Variants in ZDHHC15 observed in about 807,000 individuals in gnomAD.
The protein encoded by ZDHHC15 is zDHHC palmitoyltransferase 15.
A neutral mutation model predicts 31.7 loss-of-function variants in ZDHHC15; 19 were observed. The observed-to-expected ratio is 0.60, with a 90% CI of 0.42 to 0.88. ZDHHC15 has a LOEUF of 0.88. Ranked by LOEUF, ZDHHC15 falls within the 40% of genes least tolerant of loss-of-function variation. ZDHHC15 has a pLI of 0.00. For missense variants in ZDHHC15, 209 were observed against 251.2 expected (o/e 0.83, Z 1.14); for synonymous variants, 103 against 90.0 (o/e 1.14, Z -0.82).
At chrX:75,470,052 A>T (rs936094619) in intron 3 of ZDHHC15, among the ~76,000 whole-genome samples, 3 of 111,179 alleles carry the variant, frequency 2.7e-5, no homozygotes, top group Non-Finnish European at 5.7e-5. Flanking sequence ...CCTTGATTGG[A>T]CTGAGGGATG....
intron 4 of ZDHHC15, among the ~76,000 whole-genome samples, chrX:75,442,152 T>C (rs2083951089): frequency 1.8e-5 from 2 of 112,028 alleles, no homozygotes; most frequent in South Asian, 7.5e-4. Context: ...CTGGGTGAGA[T>C]TAGCATTTGA....
At chrX:75,484,104 T>C (rs754484153) in intron 2 of ZDHHC15, among the ~76,000 whole-genome samples, 1 of 112,403 alleles carries the variant, frequency 8.9e-6, no homozygotes, top group South Asian at 3.7e-4. Flanking sequence ...GATGCATCAA[T>C]CTGCTGTACA....
intron 2 of ZDHHC15, among the ~76,000 whole-genome samples, chrX:75,490,770 A>G (rs1237382931): frequency 1.8e-5 from 2 of 111,553 alleles, no homozygotes; most frequent in Non-Finnish European, 3.8e-5. Flanking sequence ...ATGGGAGCTC[A>G]CTCATGATTT....
chrX:75,465,836 T>A (rs750841982), intron 3 of ZDHHC15, among the ~76,000 whole-genome samples: 1 of 111,518 alleles, frequency 9.0e-6, no homozygotes, highest in South Asian at 3.7e-4. Flanking sequence ...AACCTGAAAC[T>A]GTAAAAACCC....
rs187270000 is a variant in ZDHHC15 at position 75,381,481 on chromosome X, C to T, written c.968-2283G>A. On this transcript the variant is annotated intron_variant, in intron 10 of 11. Coordinates refer to ENST00000373367, the MANE Select transcript of ZDHHC15 (RefSeq NM_144969.3). ...GTTACTACCACTCATGAATCCATTG[C>T]AACACATGCACAGTTTTTTGCTGTT... Among the ~76,000 whole-genome samples the T allele has an allele frequency of 9.9e-5, 11 of 111,618 alleles. No homozygotes were observed. The East Asian group carries it at 3.1e-3, about 32-fold the overall frequency.
chrX:75,386,274 T>TC lies in ZDHHC15; in HGVS notation c.968-7077dup, dbSNP rs779902377. Among the ~76,000 whole-genome samples the TC allele has an allele frequency of 1.6e-4, 18 of 111,461 alleles. 1 individual carries two copies. Among genetic ancestry groups the TC allele is most frequent in the Admixed American group, 5.7e-4 (6 of 10,475 alleles). On this transcript the variant is annotated intron_variant, in intron 10 of 11. Coordinates refer to ENST00000373367, the MANE Select transcript of ZDHHC15 (RefSeq NM_144969.3). The stretch of plus-strand genomic sequence containing the variant: ...AGCATTTCACAGGAAGGAGATTAAT[T>TC]CCCCCCAGTCCTGATTATCATTAAC...
At chrX:75,446,064 G>T (rs755240567) in intron 4 of ZDHHC15, among the ~76,000 whole-genome samples, 2 of 111,626 alleles carry the variant, frequency 1.8e-5, no homozygotes, top group East Asian at 2.8e-4. Context: ...ATGAAGACAC[G>T]TACTACACTC....
At chrX:75,429,865 T>C (rs893997483) in intron 6 of ZDHHC15, 83 bp downstream of exon 6, 1 of 978,768 alleles carries the variant, frequency 1.0e-6, no homozygotes, top group African/African-American at 1.9e-5. Flanking sequence ...GAAACAGGCA[T>C]GTGACAACTA....
intron 2 of ZDHHC15, among the ~76,000 whole-genome samples, chrX:75,480,419 G>T (rs1004704245): frequency 9.0e-6 from 1 of 110,937 alleles, no homozygotes; most frequent in Non-Finnish European, 1.9e-5. Flanking sequence ...AAACATGAAA[G>T]ATTTGTAATA....
intron 3 of ZDHHC15, among the ~76,000 whole-genome samples, chrX:75,468,101 A>T (rs1198089088): frequency 9.5e-6 from 1 of 105,186 alleles, no homozygotes; most frequent in Non-Finnish European, 1.9e-5. Flanking sequence ...GCTGGAGTGC[A>T]ATAGCACAAT....
At chrX:75,405,100 T>G (rs996560041) in intron 10 of ZDHHC15, among the ~76,000 whole-genome samples, 2 of 111,976 alleles carry the variant, frequency 1.8e-5, no homozygotes, top group Admixed American at 9.4e-5. Flanking sequence ...AGCTGGAGGC[T>G]ATCATCCTTA....
chrX:75,481,129 C>A (rs1330665451), intron 2 of ZDHHC15, among the ~76,000 whole-genome samples: 1 of 110,707 alleles, frequency 9.0e-6, no homozygotes, highest in Non-Finnish European at 1.9e-5. Flanking sequence ...TTATCTTTTG[C>A]AATTTTTTTG....
intron 3 of ZDHHC15, among the ~76,000 whole-genome samples, chrX:75,470,959 C>A (rs188548477): frequency 8.0e-5 from 9 of 112,051 alleles, no homozygotes; most frequent in Admixed American, 7.6e-4. Flanking sequence ...ACAGATGCAG[C>A]GGTGGTGATT....
At chrX:75,444,985 A>G (rs2084013379) in intron 4 of ZDHHC15, among the ~76,000 whole-genome samples, 1 of 108,389 alleles carries the variant, frequency 9.2e-6, no homozygotes, top group Admixed American at 1.0e-4. Context: ...CTTGGAGTAG[A>G]AATTATACCA....
chrX:75,446,434 C>T (rs747099598), intron 4 of ZDHHC15, among the ~76,000 whole-genome samples: 1 of 111,666 alleles, frequency 9.0e-6, no homozygotes, highest in East Asian at 2.8e-4. Flanking sequence ...GAAAATGTAC[C>T]TTTCACTAAC....
chrX:75,446,238 G>A (rs941171351), intron 4 of ZDHHC15, among the ~76,000 whole-genome samples: 2 of 111,871 alleles, frequency 1.8e-5, no homozygotes, highest in Non-Finnish European at 3.8e-5. Context: ...AGCTCAGGGA[G>A]TTAGAAAGCA....
chrX:75,492,427 G>A (rs190469478), intron 2 of ZDHHC15, among the ~76,000 whole-genome samples: 74 of 110,900 alleles, frequency 6.7e-4, no homozygotes, highest in South Asian at 4.6e-3. Context: ...TGCACCAAGC[G>A]GACCTAATAG....
At chrX:75,458,654 C>A (rs1252721568) in intron 3 of ZDHHC15, among the ~76,000 whole-genome samples, 3 of 110,520 alleles carry the variant, frequency 2.7e-5, no homozygotes, top group Non-Finnish European at 5.7e-5. Flanking sequence ...GTATGTGGAA[C>A]TATGTAGGGG....
chrX:75,508,994 G>T (rs1009974541), intron 1 of ZDHHC15, among the ~76,000 whole-genome samples: 4 of 110,865 alleles, frequency 3.6e-5, no homozygotes, highest in Admixed American at 1.9e-4. Flanking sequence ...TGATGGGGTT[G>T]TTTGTTTTTT....
Sources: gnomAD v4.1 joint callset for allele counts (sites outside exome capture counted in the v4.1 genomes callset) on GRCh38, gnomAD v4.1.1 for gene constraint, MANE v1.5 for transcripts, NCBI Gene and HGNC (gene_info 2026-07-23, HGNC 2026-07-21) for gene names.